Variants in CDH10 observed in about 807,000 individuals in gnomAD.
CDH10 encodes the protein cadherin 10, also known as cadherin-10.
CDH10 carries 30 observed loss-of-function variants against 73.1 expected under a neutral mutation model. The ratio of observed to expected loss-of-function variants is 0.41; its 90% CI spans 0.31 to 0.56. The LOEUF (loss-of-function observed/expected upper bound fraction) is 0.56. Among genes scored for constraint, CDH10 ranks in the 20% least tolerant of loss-of-function variants. CDH10 has a pLI of 0.27. For synonymous variants in CDH10, 345 were observed against 348.2 expected (o/e 0.99, Z 0.10); for missense variants, 815 against 973.7 (o/e 0.84, Z 2.17).
rs1054997535 is a variant in CDH10, at chr5:24,593,591, T to C, written c.-101A>G. ...CAACTGGTTTCCAACATTTCATCAA[T>C]GTTTTGTTCATGTTTCCCAAAGCTT... On this transcript the variant is annotated 5_prime_UTR_variant, in exon 2 of 12. Coordinates refer to ENST00000264463, the MANE Select transcript of CDH10 (RefSeq NM_006727.5). 1 of 618,912 alleles carries C rather than the reference T, an allele frequency of 1.6e-6. No individual in the cohort carries two copies. The highest frequency in any genetic ancestry group is 2.8e-6 in the Non-Finnish European group (1 of 351,658). The allele number at this position is 618,912 out of a possible 1,614,324, so 38.3% of individuals were successfully genotyped here. A position where few individuals can be genotyped will look rare whatever the true frequency, so the allele number is the denominator to read the frequency against.
chr5:24,623,145 T>C (rs1579480829), intron 1 of CDH10, among the ~76,000 whole-genome samples: 1 of 152,304 alleles, frequency 6.6e-6, no homozygotes, highest in East Asian at 1.9e-4. Flanking sequence ...CTAGAGCTAC[T>C]GGATCAGAGC....
intron 2 of CDH10, among the ~76,000 whole-genome samples, chr5:24,552,488 T>C (rs755965972): frequency 6.6e-6 from 1 of 152,030 alleles, no homozygotes; most frequent in Non-Finnish European, 1.5e-5. Flanking sequence ...CTACAATATG[T>C]TGTTAGTAAT....
Position 24,576,340 on chromosome 5 carries a change from T to A in CDH10, c.231+16920A>T, listed in dbSNP as rs1277018696. Reference sequence around the variant, plus strand: ...TTAGCATTTATTTTATTATTTTAGATTGTTTTTTCAACTTAGAGCCACGTG... The same window carrying A: ...TTAGCATTTATTTTATTATTTTAGAATGTTTTTTCAACTTAGAGCCACGTG... On this transcript the variant is annotated intron_variant, in intron 2 of 11. Coordinates refer to ENST00000264463, the MANE Select transcript of CDH10 (RefSeq NM_006727.5). Among the ~76,000 whole-genome samples, 3 of 152,270 alleles carry A rather than the reference T, an allele frequency of 2.0e-5. No homozygotes were observed. The East Asian group carries it at 5.8e-4, about 29-fold the overall frequency.
In CDH10 at chr5:24,491,694, C is replaced by T. The variant is rs2111638923; in HGVS notation, c.1758G>A (p.Val586=). 2 of 1,614,134 alleles carry T rather than the reference C, an allele frequency of 1.2e-6. No homozygotes were observed. The highest frequency in any genetic ancestry group is 2.2e-5 in the South Asian group (2 of 91,076). ...TGTTGCCTTGGCTGTCACAAGCACA[C>T]ACTCGAATGGTCAGTGTGCCTGTGC... The part of the protein sequence containing the change: ...QSSTGTLTIR[V]CACDSQGNMQ... The change falls in exon 11 of 12, where the codon GTG becomes GTA. Residue 586 remains valine (V), a synonymous_variant. Transcript: ENST00000264463.
chr5:24,589,668 A>G (rs1746136545), intron 2 of CDH10, among the ~76,000 whole-genome samples: 1 of 152,112 alleles, frequency 6.6e-6, no homozygotes, highest in Non-Finnish European at 1.5e-5. Context: ...ACTAAAAGTA[A>G]ATTCAAGGCT....
intron 1 of CDH10, among the ~76,000 whole-genome samples, chr5:24,609,532 C>T (rs146829058): frequency 6.6e-6 from 1 of 152,248 alleles, no homozygotes; most frequent in East Asian, 1.9e-4. Flanking sequence ...GAGATTATGA[C>T]AGGACACTAT....
intron 1 of CDH10, among the ~76,000 whole-genome samples, chr5:24,638,119 A>C (rs568775573): frequency 1.3e-5 from 2 of 151,656 alleles, no homozygotes; most frequent in African/African-American, 4.8e-5. Flanking sequence ...TAAAGAAAAT[A>C]TTTTTCTCAA....
chr5:24,540,543 T>C (rs557505702), intron 2 of CDH10, among the ~76,000 whole-genome samples: 28 of 152,048 alleles, frequency 1.8e-4, no homozygotes, highest in African/African-American at 6.0e-4. Flanking sequence ...AACATGGTAG[T>C]AGGGAATCAA....
At chr5:24,501,849 T>A (rs1742508095) in intron 8 of CDH10, among the ~76,000 whole-genome samples, 1 of 152,080 alleles carries the variant, frequency 6.6e-6, no homozygotes, top group Non-Finnish European at 1.5e-5. Flanking sequence ...CTATAACAAA[T>A]ATGCCCTAAA....
At chr5:24,641,669 A>T (rs1748054706) in intron 1 of CDH10, among the ~76,000 whole-genome samples, 1 of 152,094 alleles carries the variant, frequency 6.6e-6, no homozygotes, top group African/African-American at 2.4e-5. Context: ...TCATAATATG[A>T]ACCATATATT....
Position 24,535,185 on chromosome 5 carries a change from T to G in CDH10, c.741A>C (p.Gly247=). ...IQAKDMGGQM[G]GLSGTTTVNI... The stretch of plus-strand genomic sequence containing the variant: ...TCACAGTGGTTGTCCCCGATAAGCC[T>G]CCCATCTGGCCGCCCATGTCTTTGG... The change falls in exon 5 of 12, where the codon GGA becomes GGC. Residue 247 remains glycine (G), a synonymous_variant. Coordinates refer to ENST00000264463, the MANE Select transcript of CDH10 (RefSeq NM_006727.5). The G allele has an allele frequency of 1.2e-6, 2 of 1,613,554 alleles. No homozygotes were observed. The highest frequency in any genetic ancestry group is 1.1e-5 in the South Asian group (1 of 91,058).
At chr5:24,492,679 A>G (rs1471043312) in intron 10 of CDH10, 138 bp downstream of exon 10, 1 of 542,790 alleles carries the variant, frequency 1.8e-6, no homozygotes, top group South Asian at 2.8e-5. Flanking sequence ...TTTACTAAAT[A>G]TATCAAATAC....
intron 5 of CDH10, among the ~76,000 whole-genome samples, chr5:24,532,521 T>A: frequency 6.6e-6 from 1 of 152,036 alleles, no homozygotes; most frequent in Non-Finnish European, 1.5e-5. Context: ...TGCTGAGCTA[T>A]CCAATATGGC....
At chr5:24,593,229 A>G (rs1185920976) in intron 2 of CDH10, 31 bp downstream of exon 2, 10 of 1,227,994 alleles carry the variant, frequency 8.1e-6, no homozygotes, top group Non-Finnish European at 1.1e-5. Context: ...AAGAGCAAAT[A>G]TAAACACGTG....
chr5:24,606,238 C>A (rs1746755995), intron 1 of CDH10, among the ~76,000 whole-genome samples: 1 of 152,132 alleles, frequency 6.6e-6, no homozygotes, highest in Non-Finnish European at 1.5e-5. Context: ...CCCAAAGTTG[C>A]ATGAAATGAT....
rs1193300837 is a variant in CDH10 at position 24,601,800 on chromosome 5, G to A, written c.-123-8187C>T. ...AATGGGTTAAAGTCGTAAATTAGTT[G>A]ATAAAAAGATATTTTAAAAATTACC... On this transcript the variant is annotated intron_variant, in intron 1 of 11. Coordinates refer to ENST00000264463, the MANE Select transcript of CDH10 (RefSeq NM_006727.5). Among the ~76,000 whole-genome samples, 4 of 151,938 alleles carry A rather than the reference G, an allele frequency of 2.6e-5. No homozygotes were observed. In the East Asian group the frequency reaches 7.7e-4, roughly 29 times the overall value.
At chr5:24,561,144 T>C (rs1744948173) in intron 2 of CDH10, among the ~76,000 whole-genome samples, 1 of 152,152 alleles carries the variant, frequency 6.6e-6, no homozygotes, top group Non-Finnish European at 1.5e-5. Flanking sequence ...AATTATTTTA[T>C]GTTTAGAAGT....
intron 5 of CDH10, among the ~76,000 whole-genome samples, chr5:24,523,181 C>G (rs1743402785): frequency 6.6e-6 from 1 of 151,860 alleles, no homozygotes; most frequent in Admixed American, 6.6e-5. Context: ...ATCATAAAAG[C>G]AAGTCAATGA....
intron 2 of CDH10, among the ~76,000 whole-genome samples, chr5:24,589,200 G>A (rs1426069520): frequency 3.9e-5 from 6 of 152,046 alleles, no homozygotes; most frequent in Middle Eastern, 3.2e-3. Context: ...GTTTGGAGCC[G>A]ACAAGTCTAT....
Sources: gnomAD v4.1 joint callset for allele counts (sites outside exome capture counted in the v4.1 genomes callset) on GRCh38, gnomAD v4.1.1 for gene constraint, MANE v1.5 for transcripts, NCBI Gene and HGNC (gene_info 2026-07-23, HGNC 2026-07-21) for gene names.